Variants in ANO5 observed in about 807,000 individuals in gnomAD.
The protein encoded by ANO5 is anoctamin 5.
Under a neutral mutation model 121.0 loss-of-function variants are expected in ANO5, and 109 were observed. The observed-to-expected ratio is 0.90, with a 90% CI of 0.77 to 1.06. The LOEUF is 1.06. Ranked by LOEUF, ANO5 falls within the 50% of genes least tolerant of loss-of-function variation. The pLI is 0.00. For missense variants in ANO5, 1,064 were observed against 1,078.5 expected, an observed-to-expected ratio of 0.99 and a Z score of 0.19; for synonymous variants, 406 against 359.9, an observed-to-expected ratio of 1.13 and a Z score of -1.45.
Position 22,281,295 on chromosome 11 carries a change from T to G in ANO5, c.*1530T>G, listed in dbSNP as rs975392562. 1.3e-5 allele frequency: 2 copies of G among 152,062 alleles called. No individual in the cohort carries two copies. The highest frequency in any genetic ancestry group is 3.8e-4 in the East Asian group (2 of 5,200). 9.4% of individuals were successfully genotyped at this position (152,062 alleles called of 1,614,324 possible). Reference sequence around the variant, plus strand: ...TAAATTATTGTGGTACTGCCAGTATTAAATATATGGCAGATGGTATTAACT... The same window carrying G: ...TAAATTATTGTGGTACTGCCAGTATGAAATATATGGCAGATGGTATTAACT... On this transcript the variant is annotated 3_prime_UTR_variant, in exon 22 of 22. Coordinates refer to ENST00000324559, the MANE Select transcript of ANO5 (RefSeq NM_213599.3).
chr11:22,218,418 AG>A (rs1852535299), intron 4 of ANO5, 131 bp downstream of exon 4: 1 of 1,191,902 alleles, frequency 8.4e-7, no homozygotes, highest in Non-Finnish European at 1.2e-6. Context: ...AGGCAACTGA[AG>A]TTTAAGAATA....
intron 12 of ANO5, among the ~76,000 whole-genome samples, chr11:22,253,295 C>T (rs1383637677): frequency 4.6e-5 from 7 of 151,892 alleles, no homozygotes; most frequent in African/African-American, 1.5e-4. Flanking sequence ...TTTCTCTTTC[C>T]TTACAGTACT....
chr11:22,248,086 C>G (rs1463239093), intron 9 of ANO5, among the ~76,000 whole-genome samples: 1 of 152,032 alleles, frequency 6.6e-6, no homozygotes, highest in African/African-American at 2.4e-5. Flanking sequence ...AAAATGTTTG[C>G]ATTGATTGAT....
intron 1 of ANO5, among the ~76,000 whole-genome samples, chr11:22,203,265 T>A (rs1852016974): frequency 6.6e-6 from 1 of 152,268 alleles, no homozygotes; most frequent in Middle Eastern, 3.4e-3. Context: ...GTATTTAACT[T>A]TTTTAGTGTC....
At chr11:22,206,601 A>C (rs12789404) in intron 2 of ANO5, among the ~76,000 whole-genome samples, 6,454 of 152,190 alleles carry the variant, frequency 0.042, 152 homozygotes, top group African/African-American at 0.054. Context: ...GGCTTGAGCT[A>C]CTGTGCCTGG....
rs1380602260 is a variant in ANO5 at position 22,193,549 on chromosome 11, A to G, written c.40+17A>G. The G allele has an allele frequency of 6.2e-7, 1 of 1,611,338 alleles. No individual in the cohort carries two copies. Among genetic ancestry groups the G allele is most frequent in the Non-Finnish European group, 8.5e-7 (1 of 1,179,242 alleles). ...CGGAGGAAGGTAGGACCGCGCCAAGAGGCGTCAAGGGAGAGCCAGGCTGGC... is the reference window on the plus strand; with the variant it reads ...CGGAGGAAGGTAGGACCGCGCCAAGGGGCGTCAAGGGAGAGCCAGGCTGGC... On this transcript the variant is annotated intron_variant, in intron 1 of 21. Coordinates refer to ENST00000324559, the MANE Select transcript of ANO5 (RefSeq NM_213599.3).
At position 22,193,370 on chromosome 11, in the gene ANO5, C is replaced by G; in HGVS notation, c.-123C>G. ...AAGGAAGAGCAGGCCCTTAGAAGTC[C>G]AGCAGCAGCAACTCCGGCGGCCCAC... On this transcript the variant is annotated 5_prime_UTR_variant, in exon 1 of 22. Transcript: ENST00000324559. 2.2e-6 allele frequency: 2 copies of G among 921,324 alleles called. No homozygotes were observed. The highest frequency in any genetic ancestry group is 4.1e-5 in the South Asian group (2 of 48,682). The allele number at this position is 921,324 out of a possible 1,614,324, so 57.1% of individuals were successfully genotyped here. A position where few individuals can be genotyped will look rare whatever the true frequency, so the allele number is the denominator to read the frequency against.
chr11:22,244,936 A>C (rs777849212), intron 9 of ANO5, among the ~76,000 whole-genome samples: 9 of 152,064 alleles, frequency 5.9e-5, no homozygotes, highest in Non-Finnish European at 1.0e-4. Context: ...GTAAGGGGAC[A>C]CTGACTTTTT....
chr11:22,194,426 G>A (rs968911282), intron 1 of ANO5, among the ~76,000 whole-genome samples: 4 of 152,024 alleles, frequency 2.6e-5, no homozygotes, highest in African/African-American at 7.3e-5. Flanking sequence ...CATCCTCCTC[G>A]TTCCCTTTTT....
intron 3 of ANO5, among the ~76,000 whole-genome samples, chr11:22,212,874 T>G (rs1047735269): frequency 6.6e-6 from 1 of 151,224 alleles, no homozygotes; most frequent in African/African-American, 2.4e-5. Flanking sequence ...TTTATTGTTA[T>G]CTCCTTGCCT....
chr11:22,206,010 G>T (rs1455215556), intron 2 of ANO5, among the ~76,000 whole-genome samples: 1 of 152,018 alleles, frequency 6.6e-6, no homozygotes, highest in African/African-American at 2.4e-5. Flanking sequence ...GGCTTAAATG[G>T]TCTCATTGGA....
intron 3 of ANO5, among the ~76,000 whole-genome samples, chr11:22,217,406 T>C (rs1017167647): frequency 3.7e-4 from 57 of 152,018 alleles, no homozygotes; most frequent in African/African-American, 1.3e-3. Flanking sequence ...TGACTTTTTA[T>C]GTATTCTATT....
chr11:22,207,028 CA>C (rs1204429516), intron 2 of ANO5, among the ~76,000 whole-genome samples: 6 of 151,640 alleles, frequency 4.0e-5, no homozygotes. Context: ...AAATTAAAGA[CA>C]AAAACAAAAT....
At chr11:22,244,215 G>A (rs1042248093) in intron 9 of ANO5, among the ~76,000 whole-genome samples, 1 of 151,974 alleles carries the variant, frequency 6.6e-6, no homozygotes, top group Non-Finnish European at 1.5e-5. Context: ...TTTCTTTAAG[G>A]ATGCTACAAA....
chr11:22,230,668 T>C (rs769982105), intron 7 of ANO5, among the ~76,000 whole-genome samples: 1 of 151,970 alleles, frequency 6.6e-6, no homozygotes, highest in African/African-American at 2.4e-5. Flanking sequence ...TTCCCACATG[T>C]CCTCCTGACT....
At chr11:22,245,982 T>G (rs1311750652) in intron 9 of ANO5, among the ~76,000 whole-genome samples, 2 of 152,172 alleles carry the variant, frequency 1.3e-5, no homozygotes, top group Non-Finnish European at 2.9e-5. Flanking sequence ...TGTTTCTGTG[T>G]GTGCTGGACC....
chr11:22,200,381 C>G (rs1851930172), intron 1 of ANO5, among the ~76,000 whole-genome samples: 1 of 151,998 alleles, frequency 6.6e-6, no homozygotes, highest in Non-Finnish European at 1.5e-5. Flanking sequence ...GCTACTTTAC[C>G]TTGCAATGTA....
At chr11:22,196,264 A>C (rs971299675) in intron 1 of ANO5, among the ~76,000 whole-genome samples, 3 of 152,220 alleles carry the variant, frequency 2.0e-5, no homozygotes, top group African/African-American at 7.2e-5. Flanking sequence ...ACATTAGACC[A>C]AGAGATAAAT....
chr11:22,201,032 C>A (rs368744511), intron 1 of ANO5, among the ~76,000 whole-genome samples: 1 of 152,144 alleles, frequency 6.6e-6, no homozygotes, highest in African/African-American at 2.4e-5. Flanking sequence ...TGCATATAAC[C>A]TATGCACATC....
Sources: gnomAD v4.1 joint callset for allele counts (sites outside exome capture counted in the v4.1 genomes callset) on GRCh38, gnomAD v4.1.1 for gene constraint, MANE v1.5 for transcripts, NCBI Gene and HGNC (gene_info 2026-07-23, HGNC 2026-07-21) for gene names.